The following TBL1XR1 variants were observed in gnomAD, a reference collection of about 807,000 sequenced individuals.
TBL1XR1 encodes TBL1X/Y related 1, also known as F-box-like/WD repeat-containing protein TBL1XR1.
In TBL1XR1, 5 loss-of-function variants were observed where a neutral mutation model predicts 66.9. The ratio of observed to expected loss-of-function variants is 0.07; its 90% CI spans 0.04 to 0.16. TBL1XR1 has a LOEUF of 0.16. TBL1XR1 is among the 10% of genes least tolerant of loss of function. The pLI is 1.00. For missense variants in TBL1XR1, 238 were observed against 623.2 expected (o/e 0.38, Z 6.58); for synonymous variants, 210 against 206.0 (o/e 1.02, Z -0.17).
chr3:177,081,192 A>G (rs923149799), intron 2 of TBL1XR1, among the ~76,000 whole-genome samples: 2 of 152,234 alleles, frequency 1.3e-5, no homozygotes, highest in African/African-American at 4.8e-5. Flanking sequence ...AATCATTAAT[A>G]AGATTTCTCT....
chr3:177,069,784 A>AAGGAAGGAAAGGAAGGG (rs781727707), intron 2 of TBL1XR1, among the ~76,000 whole-genome samples: 16 of 39,526 alleles, frequency 4.0e-4, no homozygotes, highest in African/African-American at 2.1e-3. Context: ...AAAGGAAGGA[A>AAGGAAGGAAAGGAAGGG]AAGGAAGGAA....
intron 2 of TBL1XR1, among the ~76,000 whole-genome samples, chr3:177,087,869 C>T (rs1396408722): frequency 1.3e-5 from 2 of 151,886 alleles, no homozygotes; most frequent in Non-Finnish European, 2.9e-5. Context: ...CCCAAATAGT[C>T]AAAATCTAGT....
At chr3:177,190,437 T>A (rs1007709324) in intron 1 of TBL1XR1, among the ~76,000 whole-genome samples, 1 of 152,156 alleles carries the variant, frequency 6.6e-6, no homozygotes, top group Non-Finnish European at 1.5e-5. Flanking sequence ...TGCCTCAGCC[T>A]CCTGAGTAGC....
intron 2 of TBL1XR1, among the ~76,000 whole-genome samples, chr3:177,069,738 A>T (rs756562433): frequency 4.7e-5 from 7 of 149,212 alleles, no homozygotes; most frequent in Admixed American, 1.4e-4. Flanking sequence ...AACTCTGACG[A>T]AAGAAAAGAA....
At chr3:177,159,785 T>A (rs1731952391) in intron 1 of TBL1XR1, among the ~76,000 whole-genome samples, 1 of 152,206 alleles carries the variant, frequency 6.6e-6, no homozygotes, top group African/African-American at 2.4e-5. Flanking sequence ...AGACTAATGA[T>A]GGCCACTGTT....
chr3:177,149,109 C>G (rs1730588878), intron 1 of TBL1XR1, among the ~76,000 whole-genome samples: 1 of 152,176 alleles, frequency 6.6e-6, no homozygotes, highest in Non-Finnish European at 1.5e-5. Context: ...CCCAAGACGG[C>G]AGACATATTT....
intron 1 of TBL1XR1, among the ~76,000 whole-genome samples, chr3:177,149,603 C>T (rs1257621419): frequency 6.6e-6 from 1 of 152,130 alleles, no homozygotes; most frequent in Non-Finnish European, 1.5e-5. Flanking sequence ...AAACAAAACT[C>T]ATCACCATTG....
chr3:177,075,327 C>G lies in TBL1XR1; in HGVS notation c.-45-10305G>C, dbSNP rs181447127. Among the ~76,000 whole-genome samples the G allele has an allele frequency of 1.1e-3, 174 of 152,332 alleles. 1 individual carries two copies. Among genetic ancestry groups the G allele is most frequent in the African/African-American group, 4.0e-3 (165 of 41,586 alleles). ...GTGTGTTGTCTGTGTCCAAATTTCC[C>G]TCTTTTTATAAAAACACCAGTCATA... On this transcript the variant is annotated intron_variant, in intron 2 of 15. Transcript: ENST00000457928.
intron 1 of TBL1XR1, among the ~76,000 whole-genome samples, chr3:177,188,335 G>T (rs1001284266): frequency 2.0e-5 from 3 of 152,106 alleles, no homozygotes; most frequent in African/African-American, 7.2e-5. Context: ...GATCACCTGA[G>T]GTCAGAGGTT....
chr3:177,092,740 A>T (rs1476820415), intron 2 of TBL1XR1, among the ~76,000 whole-genome samples: 1 of 151,874 alleles, frequency 6.6e-6, no homozygotes, highest in African/African-American at 2.4e-5. Flanking sequence ...ACCTAGAATT[A>T]CCATATGATC....
upstream of TBL1XR1, among the ~76,000 whole-genome samples, chr3:177,198,314 A>G (rs909505829): frequency 2.6e-5 from 4 of 152,174 alleles, no homozygotes; most frequent in African/African-American, 9.7e-5. Context: ...GGTGGTATTT[A>G]TCATCTGGTG....
chr3:177,110,877 G>A (rs1725474221), intron 1 of TBL1XR1: 1 of 152,192 alleles, frequency 6.6e-6, no homozygotes, highest in Admixed American at 6.5e-5. Context: ...GGGTCCAGAA[G>A]AGGAAAATAT....
At chr3:177,118,905 AG>A (rs1359380111) in intron 1 of TBL1XR1, among the ~76,000 whole-genome samples, 1 of 152,230 alleles carries the variant, frequency 6.6e-6, no homozygotes, top group Non-Finnish European at 1.5e-5. Flanking sequence ...TAATAACTCA[AG>A]AAAAATGGGA....
chr3:177,077,361 G>GA (rs74546785), intron 2 of TBL1XR1, among the ~76,000 whole-genome samples: 47,439 of 151,966 alleles, frequency 0.31, 7,842 homozygotes, highest in East Asian at 0.58. Flanking sequence ...TTTCAGAAGG[G>GA]AAAAATACTT....
At chr3:177,099,543 A>T (rs954415219) in intron 1 of TBL1XR1, 2 of 152,178 alleles carry the variant, frequency 1.3e-5, no homozygotes, top group Admixed American at 1.3e-4. Flanking sequence ...CTCCTACACC[A>T]ATTAGGTGAA....
intron 2 of TBL1XR1, among the ~76,000 whole-genome samples, chr3:177,074,153 T>C (rs534469837): frequency 2.0e-5 from 3 of 152,306 alleles, no homozygotes; most frequent in Admixed American, 6.5e-5. Flanking sequence ...TTCCAAGTTA[T>C]ACCTGGTACA....
chr3:177,084,726 C>T (rs1721910710), intron 2 of TBL1XR1, among the ~76,000 whole-genome samples: 1 of 152,224 alleles, frequency 6.6e-6, no homozygotes, highest in South Asian at 2.1e-4. Context: ...CTGAACAATT[C>T]TCTAATTCCT....
chr3:177,128,994 C>T (rs6805340), intron 1 of TBL1XR1, among the ~76,000 whole-genome samples: 2,854 of 152,216 alleles, frequency 0.019, 90 homozygotes, highest in African/African-American at 0.065. Context: ...TCCACTTACA[C>T]GTGATTCAAA....
intron 1 of TBL1XR1, among the ~76,000 whole-genome samples, chr3:177,138,357 G>A (rs1333600036): frequency 6.6e-6 from 1 of 152,160 alleles, no homozygotes; most frequent in South Asian, 2.1e-4. Flanking sequence ...CATTTTGAGA[G>A]GCCGAGGTGG....
Sources: allele counts gnomAD v4.1 joint callset (sites outside exome capture counted in the v4.1 genomes callset), GRCh38; gene constraint gnomAD v4.1.1; transcripts MANE v1.5; gene names NCBI Gene and HGNC (gene_info 2026-07-23, HGNC 2026-07-21).